The following POLR2F variants were observed in gnomAD, a reference collection of about 807,000 sequenced individuals.
POLR2F encodes DNA-directed RNA polymerases I, II, and III subunit RPABC2.
In POLR2F, 12 loss-of-function variants were observed where a neutral mutation model predicts 22.7. That is an observed-to-expected ratio of 0.53 (90% CI 0.34 to 0.86). POLR2F has a LOEUF of 0.86. POLR2F is among the 40% of genes least tolerant of loss of function. POLR2F has a pLI of 0.02. For missense variants in POLR2F, 126 were observed against 171.5 expected, an observed-to-expected ratio of 0.73 and a Z score of 1.48; for synonymous variants, 57 against 66.0, an observed-to-expected ratio of 0.86 and a Z score of 0.66.
rs1187001867 is a variant in POLR2F, at chr22:38,023,818, G to A, written c.121-2051G>A. 3.2e-4 allele frequency among the ~76,000 whole-genome samples: 48 copies of A among 149,586 alleles called. 1 individual carries two copies. The highest frequency in any genetic ancestry group is 3.2e-3 in the Admixed American group (48 of 14,984). Reference sequence around the variant, plus strand: ...CTCCCGAGAAGCTGGGATTACAGGTGCGCACCACCACGCCTGGCTAATTTT... The same window carrying A: ...CTCCCGAGAAGCTGGGATTACAGGTACGCACCACCACGCCTGGCTAATTTT... On this transcript the variant is annotated intron_variant, in intron 1 of 2. Transcript: ENST00000333418.
At chr22:38,012,973 G>A (rs986369043) in intron 1 of POLR2F, among the ~76,000 whole-genome samples, 7 of 152,172 alleles carry the variant, frequency 4.6e-5, no homozygotes, top group Admixed American at 1.3e-4. Flanking sequence ...TCCATCAGAA[G>A]TGAGTCACTA....
rs1220343359 is a variant in POLR2F, at chr22:37,986,855, G to A, written c.120+543G>A. On this transcript the variant is annotated intron_variant, in intron 1 of 2. Coordinates refer to the POLR2F transcript ENST00000333418. The surrounding 1 kb of genome is among the most constrained non-coding windows in gnomAD (Gnocchi z 4.7). ...AACCCAGTGCTCTCCAGCAGGCAAGGGTGAAGGACCCATAGTCATTCCTGA... is the reference window on the plus strand; with the variant it reads ...AACCCAGTGCTCTCCAGCAGGCAAGAGTGAAGGACCCATAGTCATTCCTGA... 8.8e-6 allele frequency: 4 copies of A among 453,950 alleles called. No individual in the cohort carries two copies. Among genetic ancestry groups the A allele is most frequent in the African/African-American group, 4.0e-5 (2 of 50,076 alleles). 28.1% of individuals were successfully genotyped at this position (453,950 alleles called of 1,614,324 possible).
intron 1 of POLR2F, 62 bp from the exon 2 acceptor site, chr22:37,956,711 C>T: frequency 7.6e-7 from 1 of 1,317,974 alleles, no homozygotes; most frequent in Non-Finnish European, 1.1e-6. Flanking sequence ...TCCACCGTGC[C>T]TGGCCCCTCT....
downstream of POLR2F, chr22:37,974,108 A>G: frequency 6.8e-6 from 11 of 1,611,740 alleles, no homozygotes; most frequent in Non-Finnish European, 9.3e-6. The surrounding 1 kb of genome is among the most constrained non-coding windows in gnomAD (Gnocchi z 5.4). Context: ...GCCCTCCCCC[A>G]TGGAGCGCCC....
At chr22:38,034,698 AG>A (rs1255281443) in intron 5 of POLR2F, among the ~76,000 whole-genome samples, 2 of 152,158 alleles carry the variant, frequency 1.3e-5, no homozygotes, top group Non-Finnish European at 2.9e-5. Flanking sequence ...AACTAATCCC[AG>A]GGGAGACCTG....
downstream of POLR2F, chr22:37,973,604 G>C: frequency 6.2e-7 from 1 of 1,613,022 alleles, no homozygotes; most frequent in Non-Finnish European, 8.5e-7. Flanking sequence ...GGGCCGCTGC[G>C]AGGGCCCCAT....
intron 1 of POLR2F, chr22:37,988,674 CAAA>C (rs980169315): frequency 6.5e-6 from 1 of 154,062 alleles, no homozygotes; most frequent in Non-Finnish European, 1.5e-5. Flanking sequence ...ACAACAACAA[CAAA>C]AAAACATACT....
chr22:37,967,228 T>G (rs1361508260), intron 4 of POLR2F, 58 bp downstream of exon 4: 2 of 1,602,684 alleles, frequency 1.2e-6, no homozygotes, highest in South Asian at 2.2e-5. Context: ...TCTGTTGGGC[T>G]CTCTGTTGCA....
chr22:37,973,621 G>C (rs746764977), downstream of POLR2F: 1 of 1,613,674 alleles, frequency 6.2e-7, no homozygotes, highest in East Asian at 2.2e-5. Context: ...CCATATAGGA[G>C]AAGGCCGAGT....
chr22:38,028,638 G>A (rs192075490), downstream of POLR2F, among the ~76,000 whole-genome samples: 585 of 152,296 alleles, frequency 3.8e-3, no homozygotes, highest in Non-Finnish European at 6.9e-3. Flanking sequence ...GTGCTTGGGA[G>A]ATAGAGAAGA....
At chr22:37,979,501 G>A (rs1300648052) in intron 4 of POLR2F, among the ~76,000 whole-genome samples, 2 of 152,084 alleles carry the variant, frequency 1.3e-5, no homozygotes, top group African/African-American at 4.8e-5. Context: ...CCAGTGTGGT[G>A]GGACTGAGGG....
intron 2 of POLR2F, among the ~76,000 whole-genome samples, chr22:37,958,068 CAGGTGTGGTCAT>C (rs1931471595): frequency 6.6e-6 from 1 of 152,012 alleles, no homozygotes; most frequent in African/African-American, 2.4e-5. Flanking sequence ...TGGCTATTTT[CAGGTGTGGTCAT>C]AGCGCACTAC....
chr22:38,038,404 G>A (rs962709851), intron 5 of POLR2F, among the ~76,000 whole-genome samples: 1 of 152,182 alleles, frequency 6.6e-6, no homozygotes, highest in Non-Finnish European at 1.5e-5. Context: ...GGAAGCCATG[G>A]CTCTGGCCGG....
At chr22:37,982,264 A>G (rs906997716), upstream of POLR2F, among the ~76,000 whole-genome samples, 23 of 152,036 alleles carry the variant, frequency 1.5e-4, no homozygotes, top group African/African-American at 5.6e-4. Flanking sequence ...ACCAACTTCT[A>G]TGTGACCTTT....
chr22:38,030,974 G>A (rs1005411448), downstream of POLR2F, among the ~76,000 whole-genome samples: 2 of 152,116 alleles, frequency 1.3e-5, no homozygotes, highest in African/African-American at 2.4e-5. Context: ...ACAGGACGAG[G>A]GCTGGAAGAG....
chr22:37,992,313 T>G (rs925121458), intron 1 of POLR2F, among the ~76,000 whole-genome samples: 1 of 152,156 alleles, frequency 6.6e-6, no homozygotes, highest in Non-Finnish European at 1.5e-5. Flanking sequence ...ATGGTAGCTA[T>G]TGTTACCAGC....
downstream of POLR2F, chr22:37,973,253 G>A: frequency 4.0e-6 from 2 of 494,648 alleles, no homozygotes; most frequent in Admixed American, 3.5e-5. Context: ...TTCAGTGTGG[G>A]TGCAACAGTC....
chr22:38,040,813 C>G (rs1265630507), intron 5 of POLR2F: 5 of 540,574 alleles, frequency 9.2e-6, no homozygotes, highest in Non-Finnish European at 1.3e-5. Context: ...GGGAGCATGG[C>G]AGTTTGGGCT....
rs767239414 is a variant in POLR2F at position 37,967,757 on chromosome 22, A to G, written c.*42A>G. The G allele has an allele frequency of 7.5e-6, 12 of 1,590,472 alleles. No individual in the cohort carries two copies. The South Asian group carries it at 1.4e-4, about 18-fold the overall frequency. ...TGCCCTTGCCCCATGCCCAATTTTC[A>G]TTCTCACTTTATATGTGTAAATAAT... is the stretch of plus-strand genomic sequence containing the variant. On this transcript the variant is annotated 3_prime_UTR_variant, in exon 5 of 5. Coordinates refer to ENST00000442738, the MANE Select transcript of POLR2F (RefSeq NM_021974.5).
Sources: allele counts gnomAD v4.1 joint callset (sites outside exome capture counted in the v4.1 genomes callset), GRCh38; gene constraint gnomAD v4.1.1; non-coding constraint Gnocchi (gnomAD v3.1); transcripts MANE v1.5; gene names NCBI Gene and HGNC (gene_info 2026-07-23, HGNC 2026-07-21).